The following SMOX variants were observed in gnomAD, a reference collection of about 807,000 sequenced individuals.
The protein encoded by SMOX is flavin containing amine oxidase.
Under a neutral mutation model 51.0 loss-of-function variants are expected in SMOX, and 22 were observed. The observed-to-expected ratio is 0.43, with a 90% CI of 0.31 to 0.62. SMOX has a LOEUF of 0.62. Ranked by LOEUF, SMOX falls within the 20% of genes least tolerant of loss-of-function variation. The pLI, the probability that SMOX is intolerant of heterozygous loss-of-function variation, is 0.10. For synonymous variants in SMOX, 282 were observed against 307.8 expected (o/e 0.92, Z 0.88); for missense variants, 566 against 777.7 (o/e 0.73, Z 3.24).
chr20:4,164,228 G>A (rs1484410500), intron 1 of SMOX, among the ~76,000 whole-genome samples: 1 of 152,174 alleles, frequency 6.6e-6, no homozygotes, highest in Non-Finnish European at 1.5e-5. Flanking sequence ...TCTGTGATCT[G>A]TCTACTGGCT....
chr20:4,171,276 T>TAAAAC (rs758005105), intron 1 of SMOX, among the ~76,000 whole-genome samples: 57 of 152,140 alleles, frequency 3.7e-4, no homozygotes, highest in South Asian at 1.9e-3. Flanking sequence ...TCTCATACAT[T>TAAAAC]AAAACAAAAC....
chr20:4,165,325 AT>A, intron 1 of SMOX, among the ~76,000 whole-genome samples: 1 of 151,994 alleles, frequency 6.6e-6, no homozygotes. Context: ...AAGTGCTGGG[AT>A]TACAGGCCTG....
Position 4,172,456 on chromosome 20 carries a change from G to A in SMOX, c.-26-2574G>A, listed in dbSNP as rs955549830. Among the ~76,000 whole-genome samples the A allele has an allele frequency of 9.9e-5, 15 of 152,216 alleles. No homozygotes were observed. The highest frequency in any genetic ancestry group is 5.2e-4 in the Admixed American group (8 of 15,292). The stretch of plus-strand genomic sequence containing the variant: ...CAGGAAGGAGAACCTGGGGTAGGGT[G>A]GGGGAGGACTGGAGCCAGCCCTGAT... On this transcript the variant is annotated intron_variant, in intron 1 of 6. Transcript: ENST00000305958. This position sits in a 1 kb window ranked among gnomAD's most constrained non-coding sequence, Gnocchi z 7.7.
chr20:4,175,171 C>T lies in SMOX; in HGVS notation c.116C>T (p.Ala39Val), dbSNP rs1253028821. ...VIGAGLAGLA[A>V]AKALLEQGFT... ...GGCGCCGGCTTGGCTGGCCTGGCTG[C>T]AGCCAAAGCACTTCTTGAGCAGGGT... is the stretch of plus-strand genomic sequence containing the variant. The change falls in exon 2 of 7, where the codon GCA becomes GTA. Residue 39 changes from alanine to valine, a missense_variant. Coordinates refer to ENST00000305958, the MANE Select transcript of SMOX (RefSeq NM_175839.3). 1 of 1,614,088 alleles carries T rather than the reference C, an allele frequency of 6.2e-7. No individual in the cohort carries two copies. Among genetic ancestry groups the T allele is most frequent in the Non-Finnish European group, 8.5e-7 (1 of 1,180,042 alleles).
chr20:4,156,773 C>T (rs750748731), intron 1 of SMOX, among the ~76,000 whole-genome samples: 28 of 152,138 alleles, frequency 1.8e-4, no homozygotes, highest in African/African-American at 5.6e-4. Flanking sequence ...GATGGAGCCT[C>T]ACTCTGTCAC....
intron 1 of SMOX, among the ~76,000 whole-genome samples, chr20:4,160,957 G>A (rs1326870274): frequency 1.3e-5 from 2 of 152,218 alleles, no homozygotes; most frequent in African/African-American, 4.8e-5. Context: ...GGCTGGAGCT[G>A]AAGCACAGTT....
rs1979002195 is a variant in SMOX, at chr20:4,177,871, T to C, written c.435+294T>C. On this transcript the variant is annotated intron_variant, in intron 3 of 6. Coordinates refer to ENST00000305958, the MANE Select transcript of SMOX (RefSeq NM_175839.3). The surrounding 1 kb of genome is among the most constrained non-coding windows in gnomAD (Gnocchi z 4.3). ...CTCTACACAAAAAATGAGAATTTTG[T>C]CTTTTTTTCCTTTCTAGTCATTAGA... Among the ~76,000 whole-genome samples, 1 of 152,204 alleles carries C rather than the reference T, an allele frequency of 6.6e-6. No individual in the cohort carries two copies. The highest frequency in any genetic ancestry group is 1.5e-5 in the Non-Finnish European group (1 of 68,040).
At chr20:4,178,997 T>C (rs1447658439) in intron 3 of SMOX, among the ~76,000 whole-genome samples, 1 of 152,240 alleles carries the variant, frequency 6.6e-6, no homozygotes, top group Non-Finnish European at 1.5e-5. Flanking sequence ...GTGCATTTTC[T>C]AATCTCTTGG....
At chr20:4,176,465 T>C (rs899615876) in intron 2 of SMOX, among the ~76,000 whole-genome samples, 3 of 152,186 alleles carry the variant, frequency 2.0e-5, no homozygotes, top group Non-Finnish European at 2.9e-5. Context: ...GAGGAATCAT[T>C]GTGACTATCT....
intron 1 of SMOX, among the ~76,000 whole-genome samples, chr20:4,174,396 C>T (rs756817935): frequency 1.5e-4 from 23 of 151,728 alleles, no homozygotes; most frequent in Non-Finnish European, 2.4e-4. Context: ...GGCAAGTATC[C>T]GGGGTCCATG....
Position 4,172,380 on chromosome 20 carries a change from C to T in SMOX, c.-26-2650C>T, listed in dbSNP as rs879511418. Among the ~76,000 whole-genome samples, 1 of 152,182 alleles carries T rather than the reference C, an allele frequency of 6.6e-6. No homozygotes were observed. Among genetic ancestry groups the T allele is most frequent in the Non-Finnish European group, 1.5e-5 (1 of 68,032 alleles). ...ATCCGGCGGCATCGCCGCTGACCCTCCCCGCCCGCCCCGTGCAGGCGGCCA... is the reference window on the plus strand; with the variant it reads ...ATCCGGCGGCATCGCCGCTGACCCTTCCCGCCCGCCCCGTGCAGGCGGCCA... On this transcript the variant is annotated intron_variant, in intron 1 of 6. Transcript: ENST00000305958. This position sits in a 1 kb window ranked among gnomAD's most constrained non-coding sequence, Gnocchi z 7.7.
intron 2 of SMOX, among the ~76,000 whole-genome samples, chr20:4,176,852 A>G (rs1274718890): frequency 3.3e-5 from 5 of 152,146 alleles, no homozygotes; most frequent in Non-Finnish European, 1.5e-5. Flanking sequence ...TTTTGGGGGA[A>G]TCTTGCAAAC....
In SMOX at chr20:4,175,088, G is replaced by T; in HGVS notation, c.33G>T (p.Ala11=). 6.2e-7 allele frequency: 1 copy of T among 1,614,226 alleles called. No homozygotes were observed. The highest frequency in any genetic ancestry group is 1.1e-5 in the South Asian group (1 of 91,080). ...GTTGTGAATCCAGTGGTGACAGTGC[G>T]GATGACCCTCTCAGTCGCGGCCTAC... MQSCESSGDS[A]DDPLSRGLRR... is the part of the protein sequence containing the mutation. The change falls in exon 2 of 7, where the codon GCG becomes GCT. Residue 11 remains alanine (A), a synonymous_variant. Transcript: ENST00000305958.
rs566360232 is a variant in SMOX at position 4,187,364 on chromosome 20, G to A, written c.1625G>A (p.Arg542His). 16 of 1,614,178 alleles carry A rather than the reference G, an allele frequency of 9.9e-6. No individual in the cohort carries two copies. In the African/African-American group the frequency reaches 1.1e-4, roughly 11 times the overall value. Residue 542 changes from arginine (R) to histidine (H), a missense_variant, in exon 7 of 7, where the codon CGC (arginine) becomes CAC (histidine). Arg to His is a conservative substitution (Grantham distance 29, BLOSUM62 0). Around this residue, in one of 3 missense-constraint regions of SMOX, gnomAD observed 347 missense variants for 481.8 expected, o/e 0.72. Coordinates refer to ENST00000305958, the MANE Select transcript of SMOX (RefSeq NM_175839.3). This position sits in a 1 kb window ranked among gnomAD's most constrained non-coding sequence, Gnocchi z 4.8. ...ALLSGQREAARLIEMYRDLFQ... is the reference protein window; with the variant it reads ...ALLSGQREAAHLIEMYRDLFQ... Reference sequence around the variant, plus strand: ...CTGTCCGGCCAGCGTGAGGCTGCCCGCCTCATTGAGATGTACCGAGACCTC... The same window carrying A: ...CTGTCCGGCCAGCGTGAGGCTGCCCACCTCATTGAGATGTACCGAGACCTC...
rs373600515 is a variant in SMOX at position 4,183,700 on chromosome 20, T to C, written c.1530+46T>C. 2.6e-6 allele frequency: 4 copies of C among 1,528,760 alleles called. No homozygotes were observed. The African/African-American group carries it at 5.5e-5, about 21-fold the overall frequency. The allele number at this position is 1,528,760 out of a possible 1,614,324, so 94.7% of individuals were successfully genotyped here. ...GAGGAGGGGAGTTGTGGGTGTATTT[T>C]GTATGTGTGTCCGGTCCAGGGTGAG... is the stretch of plus-strand genomic sequence containing the variant. On this transcript the variant is annotated intron_variant, in intron 6 of 6. Coordinates refer to ENST00000305958, the MANE Select transcript of SMOX (RefSeq NM_175839.3). This position sits in a 1 kb window ranked among gnomAD's most constrained non-coding sequence, Gnocchi z 4.3.
intron 3 of SMOX, among the ~76,000 whole-genome samples, chr20:4,178,146 A>T (rs1178269087): frequency 9.2e-5 from 14 of 152,280 alleles, no homozygotes; most frequent in African/African-American, 3.4e-4. Context: ...GGTTCAAGCG[A>T]TTCTCCTGCC....
intron 6 of SMOX, among the ~76,000 whole-genome samples, chr20:4,185,931 A>AACAC (rs555136293): frequency 4.1e-4 from 62 of 149,512 alleles, no homozygotes; most frequent in African/African-American, 1.4e-3. Flanking sequence ...TGGCGCCCTA[A>AACAC]ACACACACAC....
rs1191180882 is a variant in SMOX at position 4,167,208 on chromosome 20, T to C, written c.-26-7822T>C. Among the ~76,000 whole-genome samples, 1 of 152,046 alleles carries C rather than the reference T, an allele frequency of 6.6e-6. No individual in the cohort carries two copies. The highest frequency in any genetic ancestry group is 1.5e-5 in the Non-Finnish European group (1 of 68,022). On this transcript the variant is annotated intron_variant, in intron 1 of 6. Coordinates refer to ENST00000305958, the MANE Select transcript of SMOX (RefSeq NM_175839.3). This position sits in a 1 kb window ranked among gnomAD's most constrained non-coding sequence, Gnocchi z 4.8. ...GGGTCAGTCAGATACAGATGTGAGG[T>C]GCCTGCATGATGTCAGTGTCAAGGT...
rs1986586466 is a variant in SMOX, at chr20:4,166,721, G to A, written c.-26-8309G>A. 6.6e-6 allele frequency among the ~76,000 whole-genome samples: 1 copy of A among 152,150 alleles called. No individual in the cohort carries two copies. The highest frequency in any genetic ancestry group is 1.5e-5 in the Non-Finnish European group (1 of 68,022). The stretch of plus-strand genomic sequence containing the variant: ...CCCCAGAGTGCTCACCTCTCCCGGG[G>A]GCCTCCCGCTCTTGCCTCCCAGTGC... On this transcript the variant is annotated intron_variant, in intron 1 of 6. Coordinates refer to ENST00000305958, the MANE Select transcript of SMOX (RefSeq NM_175839.3). This position sits in a 1 kb window ranked among gnomAD's most constrained non-coding sequence, Gnocchi z 4.2.
Sources: allele counts gnomAD v4.1 joint callset (sites outside exome capture counted in the v4.1 genomes callset), GRCh38; gene constraint gnomAD v4.1.1; regional missense constraint gnomAD v4.1.1; non-coding constraint Gnocchi (gnomAD v3.1); transcripts MANE v1.5; gene names NCBI Gene and HGNC (gene_info 2026-07-23, HGNC 2026-07-21).